The following COL28A1 variants were observed in gnomAD, a reference collection of about 807,000 sequenced individuals.
The protein encoded by COL28A1 is collagen alpha-1(XXVIII) chain.
COL28A1 carries 161 observed loss-of-function variants against 150.2 expected under a neutral mutation model. The ratio of observed to expected loss-of-function variants is 1.07; its 90% CI spans 0.94 to 1.22. The LOEUF (loss-of-function observed/expected upper bound fraction) is 1.22. Among genes scored for constraint, COL28A1 ranks in the 50% most tolerant of loss-of-function variants. COL28A1 has a pLI of 0.00. For synonymous variants in COL28A1, 552 were observed against 469.7 expected (o/e 1.18, Z -2.26); for missense variants, 1,617 against 1,388.3 (o/e 1.16, Z -2.62).
intron 13 of COL28A1, among the ~76,000 whole-genome samples, chr7:7,478,657 C>T (rs968968618): frequency 1.1e-4 from 16 of 152,234 alleles, no homozygotes; most frequent in Non-Finnish European, 2.2e-4. Flanking sequence ...GAGACTCAGG[C>T]ATGGCAGTCT....
chr7:7,518,987 G>A (rs1387897482), intron 6 of COL28A1, among the ~76,000 whole-genome samples: 2 of 152,090 alleles, frequency 1.3e-5, no homozygotes, highest in Admixed American at 6.5e-5. Context: ...TTAACCCAAT[G>A]TCCATTACAT....
chr7:7,496,588 A>T (rs1460179225), intron 11 of COL28A1, among the ~76,000 whole-genome samples: 2 of 152,182 alleles, frequency 1.3e-5, no homozygotes, highest in African/African-American at 4.8e-5. Flanking sequence ...AACCACAATG[A>T]AGAGGAAAAT....
Position 7,524,225 on chromosome 7 carries a change from T to C in COL28A1, c.702+4A>G. 1 of 1,305,516 alleles carries C rather than the reference T, an allele frequency of 7.7e-7. No homozygotes were observed. The highest frequency in any genetic ancestry group is 1.1e-6 in the Non-Finnish European group (1 of 898,386). 80.9% of individuals were successfully genotyped at this position (1,305,516 alleles called of 1,614,324 possible). A position where few individuals can be genotyped will look rare whatever the true frequency, so the allele number is the denominator to read the frequency against. ...TCGTAGTAATCAAAGCATGTGGTGC[T>C]TACCTTCTTTTCAAATAAGATATCC... On this transcript the variant is annotated splice_donor_region_variant and intron_variant, in intron 4 of 34. Transcript: ENST00000399429.
intron 23 of COL28A1, among the ~76,000 whole-genome samples, chr7:7,434,972 C>A (rs1785237738): frequency 6.6e-6 from 1 of 152,178 alleles, no homozygotes; most frequent in Admixed American, 6.5e-5. Flanking sequence ...TGTGCTAAAT[C>A]TTCCGTCAGA....
At chr7:7,457,756 G>C (rs986474477) in intron 15 of COL28A1, among the ~76,000 whole-genome samples, 6 of 152,198 alleles carry the variant, frequency 3.9e-5, no homozygotes, top group African/African-American at 1.2e-4. Context: ...CAAGTGAAGA[G>C]AGTGTTTCAA....
intron 27 of COL28A1, among the ~76,000 whole-genome samples, chr7:7,411,226 A>G (rs1032249838): frequency 1.3e-5 from 2 of 152,216 alleles, no homozygotes; most frequent in African/African-American, 4.8e-5. Flanking sequence ...CACAACTGAG[A>G]CAAACCAAAA....
chr7:7,487,859 C>T (rs1779711606), intron 13 of COL28A1, among the ~76,000 whole-genome samples: 1 of 152,066 alleles, frequency 6.6e-6, no homozygotes, highest in Non-Finnish European at 1.5e-5. Flanking sequence ...TGGTTTCTGC[C>T]TATTGGAACA....
chr7:7,415,417 G>C lies in COL28A1; in HGVS notation c.2136+2442C>G, dbSNP rs79951930. Among the ~76,000 whole-genome samples, 406 of 152,352 alleles carry C rather than the reference G, an allele frequency of 2.7e-3. 2 individuals are homozygous for C. The East Asian group carries it at 0.032, about 12-fold the overall frequency. On this transcript the variant is annotated intron_variant, in intron 27 of 34. Coordinates refer to ENST00000399429, the MANE Select transcript of COL28A1 (RefSeq NM_001037763.3). ...GTGATGGTATTTCGTCGGTGCAAAA[G>C]TAATTGCGGTTTTTGCCACAGTCAG...
chr7:7,450,149 G>A (rs945106294), intron 18 of COL28A1, among the ~76,000 whole-genome samples: 1 of 152,056 alleles, frequency 6.6e-6, no homozygotes, highest in Non-Finnish European at 1.5e-5. Context: ...TATGAAAGAG[G>A]TGGTACTGCA....
intron 25 of COL28A1, chr7:7,431,430 C>A: frequency 2.3e-6 from 1 of 434,156 alleles, no homozygotes; most frequent in Non-Finnish European, 4.8e-6. Flanking sequence ...GGAAAACATA[C>A]AGAGGGGTTG....
At chr7:7,370,324 G>C (rs1029010171) in intron 33 of COL28A1, among the ~76,000 whole-genome samples, 8 of 152,114 alleles carry the variant, frequency 5.3e-5, no homozygotes, top group African/African-American at 1.7e-4. Flanking sequence ...AGACATGAGA[G>C]GGTACAAAGT....
intron 15 of COL28A1, among the ~76,000 whole-genome samples, chr7:7,457,653 A>G (rs1238521437): frequency 6.6e-6 from 1 of 152,220 alleles, no homozygotes; most frequent in Non-Finnish European, 1.5e-5. Context: ...AGATGGTCCC[A>G]GGACTGAGCC....
Position 7,373,585 on chromosome 7 carries a change from G to A in COL28A1, c.2360-39C>T, listed in dbSNP as rs760363704. 6.4e-7 allele frequency: 1 copy of A among 1,552,326 alleles called. No individual in the cohort carries two copies. The highest frequency in any genetic ancestry group is 1.4e-5 in the African/African-American group (1 of 73,572). On this transcript the variant is annotated intron_variant, in intron 31 of 34. Transcript: ENST00000399429. This position sits in a 1 kb window ranked among gnomAD's most constrained non-coding sequence, Gnocchi z 4.1. ...GTTGAGAGAGAAAAATTGTGGGAAT[G>A]ATTGACATCAGATTGTTGAGGGGAG...
intron 21 of COL28A1, among the ~76,000 whole-genome samples, chr7:7,440,207 C>T (rs1427273258): frequency 6.6e-6 from 1 of 152,188 alleles, no homozygotes; most frequent in East Asian, 1.9e-4. Flanking sequence ...CTTCCCATTT[C>T]ACCATATTGA....
intron 13 of COL28A1, among the ~76,000 whole-genome samples, chr7:7,477,677 G>A (rs538845028): frequency 2.5e-4 from 38 of 152,322 alleles, no homozygotes; most frequent in African/African-American, 9.1e-4. Flanking sequence ...CCTTCGCAGT[G>A]AATGTTACAG....
downstream of COL28A1, among the ~76,000 whole-genome samples, chr7:7,355,695 A>G (rs927052305): frequency 2.6e-5 from 4 of 152,228 alleles, no homozygotes; most frequent in African/African-American, 9.6e-5. Flanking sequence ...GTTGATAAGA[A>G]TATCAAGCAA....
At chr7:7,488,907 A>C (rs1779767241) in intron 13 of COL28A1, among the ~76,000 whole-genome samples, 1 of 152,226 alleles carries the variant, frequency 6.6e-6, no homozygotes, top group Non-Finnish European at 1.5e-5. Flanking sequence ...TAAACATCAT[A>C]TATATTTACA....
intron 27 of COL28A1, 37 bp downstream of exon 27, chr7:7,417,822 A>T: frequency 1.3e-6 from 2 of 1,550,142 alleles, no homozygotes; most frequent in Non-Finnish European, 1.8e-6. Context: ...ACTCTGGTGA[A>T]ATCAGAGGTG....
chr7:7,484,437 A>G (rs896181929), intron 13 of COL28A1, among the ~76,000 whole-genome samples: 1 of 152,200 alleles, frequency 6.6e-6, no homozygotes, highest in Non-Finnish European at 1.5e-5. Context: ...TGAAAAAAAC[A>G]AAGAAATCAG....
Sources: gnomAD v4.1 joint callset for allele counts (sites outside exome capture counted in the v4.1 genomes callset) on GRCh38, gnomAD v4.1.1 for gene constraint, Gnocchi (gnomAD v3.1) non-coding constraint, MANE v1.5 for transcripts, NCBI Gene and HGNC (gene_info 2026-07-23, HGNC 2026-07-21) for gene names.